Variants in FOXP1 observed in about 807,000 individuals in gnomAD.
The protein encoded by FOXP1 is forkhead box protein P1.
FOXP1 carries 15 observed loss-of-function variants against 98.2 expected under a neutral mutation model. The observed-to-expected ratio is 0.15, with a 90% CI of 0.10 to 0.24. FOXP1 has a LOEUF of 0.24. FOXP1 is among the 10% of genes least tolerant of loss of function. FOXP1 has a pLI of 1.00. For missense variants in FOXP1, 633 were observed against 848.5 expected, an observed-to-expected ratio of 0.75 and a Z score of 3.15; for synonymous variants, 371 against 314.5, an observed-to-expected ratio of 1.18 and a Z score of -1.90.
intron 7 of FOXP1, among the ~76,000 whole-genome samples, chr3:71,097,927 A>G (rs962748052): frequency 1.3e-5 from 2 of 152,200 alleles, no homozygotes; most frequent in African/African-American, 4.8e-5. Flanking sequence ...CCTCAAAAAT[A>G]TAAATTTGAA....
At chr3:71,139,273 A>G (rs2059958102) in intron 6 of FOXP1, among the ~76,000 whole-genome samples, 1 of 152,174 alleles carries the variant, frequency 6.6e-6, no homozygotes, top group South Asian at 2.1e-4. Flanking sequence ...TCAGAAATTC[A>G]GACTCATAAT....
intron 3 of FOXP1, among the ~76,000 whole-genome samples, chr3:71,393,222 G>A (rs2081157164): frequency 1.3e-5 from 2 of 151,998 alleles, no homozygotes; most frequent in Admixed American, 6.5e-5. Context: ...ATCATAATAG[G>A]TCAGGTTTGG....
rs372005222 is a variant in FOXP1, at chr3:71,519,628, T to C, written c.-297-26073A>G. 5.5e-4 allele frequency among the ~76,000 whole-genome samples: 84 copies of C among 152,344 alleles called. No homozygotes were observed. In the East Asian group the frequency reaches 6.0e-3, roughly 11 times the overall value. ...ATCTTTATATTTACCTAAGTTGGGG[T>C]CACTTTATTTCTATTCCTTGCCCCC... On this transcript the variant is annotated intron_variant, in intron 2 of 20. Transcript: ENST00000649528.
chr3:71,030,726 A>C (rs1480519072), intron 11 of FOXP1, among the ~76,000 whole-genome samples: 1 of 151,990 alleles, frequency 6.6e-6, no homozygotes, highest in Admixed American at 6.6e-5. Context: ...ATCCTTGTTG[A>C]GTTTCTTTTT....
At chr3:71,133,078 A>G (rs1382248978) in intron 6 of FOXP1, among the ~76,000 whole-genome samples, 1 of 152,222 alleles carries the variant, frequency 6.6e-6, no homozygotes, top group Non-Finnish European at 1.5e-5. Context: ...TAGATTTACA[A>G]AAAACACAGA....
chr3:71,008,498 T>TAA (rs2043091390), intron 12 of FOXP1, among the ~76,000 whole-genome samples: 2 of 152,112 alleles, frequency 1.3e-5, no homozygotes, highest in Non-Finnish European at 2.9e-5. Context: ...GCTGGACGAT[T>TAA]TCATTAGAGT....
intron 3 of FOXP1, among the ~76,000 whole-genome samples, chr3:71,369,337 C>T (rs533467631): frequency 2.1e-4 from 32 of 152,158 alleles, no homozygotes; most frequent in African/African-American, 6.7e-4. Flanking sequence ...CTGCAGTGAG[C>T]CGAGATCACT....
intron 5 of FOXP1, among the ~76,000 whole-genome samples, chr3:71,272,839 G>A (rs573936355): frequency 1.3e-5 from 2 of 152,218 alleles, no homozygotes; most frequent in Non-Finnish European, 2.9e-5. Context: ...TTTCAAGGGT[G>A]ACATCTCTTC....
chr3:71,462,734 G>C (rs149114823), intron 3 of FOXP1, among the ~76,000 whole-genome samples: 1 of 152,188 alleles, frequency 6.6e-6, no homozygotes, highest in Non-Finnish European at 1.5e-5. Flanking sequence ...CTAGTCATCC[G>C]ATGAAGGAAA....
At chr3:71,025,596 A>G (rs1368984458) in intron 11 of FOXP1, among the ~76,000 whole-genome samples, 1 of 152,242 alleles carries the variant, frequency 6.6e-6, no homozygotes, top group Non-Finnish European at 1.5e-5. Flanking sequence ...AATTATTTAA[A>G]AATTAATGCA....
intron 3 of FOXP1, among the ~76,000 whole-genome samples, chr3:71,362,701 C>T (rs913788749): frequency 6.6e-6 from 1 of 152,150 alleles, no homozygotes; most frequent in African/African-American, 2.4e-5. Context: ...AACTCCTGGC[C>T]TCAAGCAATC....
intron 3 of FOXP1, among the ~76,000 whole-genome samples, chr3:71,488,106 T>C (rs2090796891): frequency 6.6e-6 from 1 of 152,186 alleles, no homozygotes; most frequent in Non-Finnish European, 1.5e-5. Context: ...AGAAATAAAT[T>C]TCACAGCTAA....
intron 7 of FOXP1, among the ~76,000 whole-genome samples, chr3:71,090,666 T>C (rs1448536620): frequency 6.6e-6 from 1 of 152,110 alleles, no homozygotes; most frequent in Non-Finnish European, 1.5e-5. Flanking sequence ...AGGGAAGAAC[T>C]AGGAGGGGGT....
intron 8 of FOXP1, 41 bp from the exon 9 acceptor site, chr3:71,052,667 G>A (rs375201118): frequency 1.9e-5 from 17 of 884,662 alleles, no homozygotes; most frequent in African/African-American, 3.3e-5. Flanking sequence ...AGAGGGTAGC[G>A]CCAATCCACT....
intron 5 of FOXP1, among the ~76,000 whole-genome samples, chr3:71,220,811 G>T (rs537599387): frequency 6.7e-6 from 1 of 149,528 alleles, no homozygotes; most frequent in South Asian, 2.1e-4. Flanking sequence ...GAGAAAAGAA[G>T]GGTCCTCAGA....
intron 2 of FOXP1, among the ~76,000 whole-genome samples, chr3:71,526,924 G>A (rs1427931311): frequency 4.8e-5 from 7 of 145,160 alleles, no homozygotes; most frequent in African/African-American, 1.5e-4. Flanking sequence ...CCAAGATCAC[G>A]CCATTGCACT....
chr3:71,305,882 T>C (rs2074238660), intron 4 of FOXP1: 1 of 152,622 alleles, frequency 6.6e-6, no homozygotes, highest in Non-Finnish European at 1.5e-5. Flanking sequence ...ACTTACCCGT[T>C]CATGGTGAGG....
At chr3:71,167,962 C>T (rs1413215364) in intron 6 of FOXP1, among the ~76,000 whole-genome samples, 1 of 152,166 alleles carries the variant, frequency 6.6e-6, no homozygotes, top group African/African-American at 2.4e-5. Flanking sequence ...CATGTCCAAA[C>T]TGAGCCAGTA....
At chr3:71,261,846 T>C (rs2069168145) in intron 5 of FOXP1, among the ~76,000 whole-genome samples, 2 of 152,174 alleles carry the variant, frequency 1.3e-5, no homozygotes, top group Admixed American at 6.5e-5. Flanking sequence ...TATGGAATAG[T>C]CGACATTTTC....
Sources: gnomAD v4.1 joint callset for allele counts (sites outside exome capture counted in the v4.1 genomes callset) on GRCh38, gnomAD v4.1.1 for gene constraint, MANE v1.5 for transcripts, NCBI Gene and HGNC (gene_info 2026-07-23, HGNC 2026-07-21) for gene names.